Variants in MYO3A observed in about 807,000 individuals in gnomAD.
MYO3A encodes the protein myosin-IIIa.
A neutral mutation model predicts 192.7 loss-of-function variants in MYO3A; 180 were observed. That is an observed-to-expected ratio of 0.93 (90% CI 0.83 to 1.06). The LOEUF is 1.06. MYO3A is among the 50% of genes least tolerant of loss of function. MYO3A has a pLI of 0.00. For synonymous variants in MYO3A, 628 were observed against 645.3 expected, an observed-to-expected ratio of 0.97 and a Z score of 0.41; for missense variants, 1,896 against 1,905.0, an observed-to-expected ratio of 1.00 and a Z score of 0.09.
At chr10:26,090,123 CA>C (rs1260671780) in intron 15 of MYO3A, among the ~76,000 whole-genome samples, 1 of 152,188 alleles carries the variant, frequency 6.6e-6, no homozygotes, top group African/African-American at 2.4e-5. Context: ...GTTCTGCTTT[CA>C]TAATTGTGTA....
chr10:26,006,603 C>T (rs1841227686), intron 6 of MYO3A, among the ~76,000 whole-genome samples: 1 of 152,126 alleles, frequency 6.6e-6, no homozygotes, highest in Non-Finnish European at 1.5e-5. Context: ...GTACAAACAC[C>T]TCTACGCAAA....
chr10:25,941,451 G>A (rs1041855987), intron 2 of MYO3A, among the ~76,000 whole-genome samples: 1 of 152,060 alleles, frequency 6.6e-6, no homozygotes, highest in African/African-American at 2.4e-5. Context: ...TTGAGATGTC[G>A]GTCCCCGAGA....
chr10:26,033,216 G>T (rs1274811379), intron 10 of MYO3A, among the ~76,000 whole-genome samples: 2 of 152,160 alleles, frequency 1.3e-5, no homozygotes, highest in African/African-American at 4.8e-5. Context: ...TGTGATTGCA[G>T]GAGCCCGCCA....
Position 26,065,605 on chromosome 10 carries a change from A to AAAAAAAAACAT in MYO3A, c.954-1362_954-1361insCATAAAAAAAA, listed in dbSNP as rs1834784369. Among the ~76,000 whole-genome samples, 10 of 118,726 alleles carry AAAAAAAAACAT rather than the reference A, an allele frequency of 8.4e-5. 2 individuals are homozygous for AAAAAAAAACAT. The highest frequency in any genetic ancestry group is 2.7e-4 in the Admixed American group (3 of 11,094). 77.9% of individuals were successfully genotyped at this position (118,726 alleles called of 152,430 possible). A position where few individuals can be genotyped will look rare whatever the true frequency, so the allele number is the denominator to read the frequency against. The stretch of plus-strand genomic sequence containing the variant: ...ATCTCCAAAAAAAAAAAAAAAAAAA[A>AAAAAAAAACAT]AAAAAAAAGTATACATAATTCTTTT... On this transcript the variant is annotated intron_variant, in intron 10 of 34. Coordinates refer to ENST00000642920, the MANE Select transcript of MYO3A (RefSeq NM_017433.5).
chr10:25,998,212 C>T (rs1197546100), intron 6 of MYO3A, among the ~76,000 whole-genome samples: 1 of 152,186 alleles, frequency 6.6e-6, no homozygotes, highest in Non-Finnish European at 1.5e-5. Flanking sequence ...TAGAAGTCCA[C>T]TGAGTGTTAG....
At chr10:25,964,900 C>A (rs1838165606) in intron 4 of MYO3A, among the ~76,000 whole-genome samples, 1 of 152,038 alleles carries the variant, frequency 6.6e-6, no homozygotes, top group Non-Finnish European at 1.5e-5. Context: ...TTTCTTTTTC[C>A]TTCAGCACTT....
chr10:25,996,650 T>C (rs1840459209), intron 5 of MYO3A, 56 bp downstream of exon 5: 2 of 1,410,370 alleles, frequency 1.4e-6, no homozygotes, highest in Non-Finnish European at 2.0e-6. Context: ...AGTTAAAAAA[T>C]GTAGATCCTA....
At chr10:26,044,530 G>A (rs1389437766) in intron 10 of MYO3A, among the ~76,000 whole-genome samples, 1 of 152,188 alleles carries the variant, frequency 6.6e-6, no homozygotes, top group Non-Finnish European at 1.5e-5. Context: ...GCTGAGTTCA[G>A]CCTAGTTTTG....
chr10:26,195,933 G>T (rs1843386294), intron 32 of MYO3A, among the ~76,000 whole-genome samples: 1 of 152,136 alleles, frequency 6.6e-6, no homozygotes, highest in African/African-American at 2.4e-5. Flanking sequence ...CTGACACATA[G>T]CAGGCATGCA....
intron 31 of MYO3A, among the ~76,000 whole-genome samples, chr10:26,185,586 C>T (rs992151316): frequency 7.9e-5 from 12 of 151,994 alleles, no homozygotes; most frequent in East Asian, 1.9e-4. Flanking sequence ...GTAATACACC[C>T]GCCTCGGCCT....
chr10:26,183,231 A>G (rs1026265163), intron 31 of MYO3A, among the ~76,000 whole-genome samples: 1 of 152,176 alleles, frequency 6.6e-6, no homozygotes, highest in African/African-American at 2.4e-5. Context: ...TTGTTAAAAA[A>G]CTAAATGTTT....
intron 15 of MYO3A, among the ~76,000 whole-genome samples, chr10:26,091,371 G>T (rs994268912): frequency 2.0e-5 from 3 of 152,100 alleles, no homozygotes; most frequent in African/African-American, 7.2e-5. Flanking sequence ...TCTAAACATA[G>T]ATAGTTTTCA....
At chr10:26,105,789 T>C (rs898401091) in intron 17 of MYO3A, among the ~76,000 whole-genome samples, 2 of 152,090 alleles carry the variant, frequency 1.3e-5, no homozygotes, top group African/African-American at 4.8e-5. Context: ...CTAGGTTGTA[T>C]GTGTAGTCTC....
chr10:25,993,762 C>A (rs1030932190), intron 4 of MYO3A, among the ~76,000 whole-genome samples: 2 of 152,164 alleles, frequency 1.3e-5, no homozygotes, highest in Non-Finnish European at 1.5e-5. Context: ...GCCTTCATTT[C>A]ATTATGTACC....
At chr10:25,983,508 C>T (rs1213980626) in intron 4 of MYO3A, among the ~76,000 whole-genome samples, 1 of 152,066 alleles carries the variant, frequency 6.6e-6, no homozygotes, top group Non-Finnish European at 1.5e-5. Flanking sequence ...CCACCCGCCT[C>T]GGCCTCCCAA....
At chr10:26,147,701 GC>G in intron 23 of MYO3A, 142 bp downstream of exon 23, 1 of 1,241,412 alleles carries the variant, frequency 8.1e-7, no homozygotes, top group Non-Finnish European at 1.1e-6. Context: ...AATATCCTCT[GC>G]CCCAGATCAT....
chr10:26,173,662 G>T lies in MYO3A; in HGVS notation c.3399-1G>T. ...ATTCAAAGATAATATATTTTACACAGGGAATCTTTCGTGAAGAAACAAGCA... is the reference window on the plus strand; with the variant it reads ...ATTCAAAGATAATATATTTTACACATGGAATCTTTCGTGAAGAAACAAGCA... On this transcript the variant is annotated splice_acceptor_variant, in intron 29 of 34. Transcript: ENST00000642920. LOFTEE classifies it high-confidence loss of function. 6.2e-7 allele frequency: 1 copy of T among 1,612,002 alleles called. No homozygotes were observed. Among genetic ancestry groups the T allele is most frequent in the South Asian group, 1.1e-5 (1 of 90,944 alleles).
intron 10 of MYO3A, among the ~76,000 whole-genome samples, chr10:26,047,337 T>TAACC (rs1168840499): frequency 6.6e-6 from 1 of 152,178 alleles, no homozygotes; most frequent in African/African-American, 2.4e-5. Flanking sequence ...AAGACACATA[T>TAACC]AACCTAAAGG....
chr10:26,092,970 A>G (rs754378528), intron 15 of MYO3A, among the ~76,000 whole-genome samples: 1 of 152,216 alleles, frequency 6.6e-6, no homozygotes, highest in Non-Finnish European at 1.5e-5. Flanking sequence ...TATTCCCAAT[A>G]GTATCTCCAG....
Sources: gnomAD v4.1 joint callset for allele counts (sites outside exome capture counted in the v4.1 genomes callset) on GRCh38, gnomAD v4.1.1 for gene constraint, MANE v1.5 for transcripts, NCBI Gene and HGNC (gene_info 2026-07-23, HGNC 2026-07-21) for gene names.